The following KPNA5 variants were observed in gnomAD, a reference collection of about 807,000 sequenced individuals.
KPNA5 encodes importin subunit alpha-6.
In KPNA5, 46 loss-of-function variants were observed where a neutral mutation model predicts 71.3. That is an observed-to-expected ratio of 0.65 (90% CI 0.51 to 0.83). The LOEUF (loss-of-function observed/expected upper bound fraction) is 0.83. Among genes scored for constraint, KPNA5 ranks in the 40% least tolerant of loss-of-function variants. The probability of loss-of-function intolerance (pLI) is 0.00; values close to 1 mark genes in which losing one functional copy is unlikely to be tolerated. For missense variants in KPNA5, 547 were observed against 628.3 expected, an observed-to-expected ratio of 0.87 and a Z score of 1.38; for synonymous variants, 207 against 201.4, an observed-to-expected ratio of 1.03 and a Z score of -0.24.
Position 116,735,677 on chromosome 6 carries a change from T to C in KPNA5, c.*3354T>C, listed in dbSNP as rs1476864012. 11 of 151,756 alleles carry C rather than the reference T, an allele frequency of 7.2e-5. No homozygotes were observed. The highest frequency in any genetic ancestry group is 5.9e-5 in the Non-Finnish European group (4 of 67,762). 9.4% of individuals were successfully genotyped at this position (151,756 alleles called of 1,614,324 possible). A position where few individuals can be genotyped will look rare whatever the true frequency, so the allele number is the denominator to read the frequency against. On this transcript the variant is annotated 3_prime_UTR_variant, in exon 14 of 14. Transcript: ENST00000368564. Reference sequence around the variant, plus strand: ...GTGTCCATTTCATTTTTTCTTAAGATTGTTGTTTCCTAACAGAACAAAGAC... The same window carrying C: ...GTGTCCATTTCATTTTTTCTTAAGACTGTTGTTTCCTAACAGAACAAAGAC...
intron 7 of KPNA5, among the ~76,000 whole-genome samples, chr6:116,706,415 C>T (rs941110332): frequency 2.0e-5 from 3 of 152,202 alleles, no homozygotes; most frequent in African/African-American, 4.8e-5. Flanking sequence ...TCAGGCTGGG[C>T]GTGGTGGCTC....
At position 116,738,811 on chromosome 6, in the gene KPNA5, T is replaced by TA. The variant is rs1038493449; in HGVS notation, c.*6494dup. 2.8e-4 allele frequency: 43 copies of TA among 152,208 alleles called. No individual in the cohort carries two copies. Among genetic ancestry groups the TA allele is most frequent in the African/African-American group, 1.0e-3 (42 of 41,532 alleles). 9.4% of individuals were successfully genotyped at this position (152,208 alleles called of 1,614,324 possible). A position where few individuals can be genotyped will look rare whatever the true frequency, so the allele number is the denominator to read the frequency against. On this transcript the variant is annotated 3_prime_UTR_variant, in exon 14 of 14. Coordinates refer to ENST00000368564, the MANE Select transcript of KPNA5 (RefSeq NM_001366306.2). ...GACAAAATTCAACAACGCTTCATGC[T>TA]AAAAAACTCTCAATAAATTAGGTAT...
At position 116,725,812 on chromosome 6, in the gene KPNA5, C is replaced by A. The variant is rs1779267479; in HGVS notation, c.1061C>A (p.Ser354Ter). The change falls in exon 11 of 14, where the codon TCA becomes TAA. Residue 354 changes from serine to a stop codon, truncating the protein, a stop_gained. Transcript: ENST00000368564. LOFTEE classifies it high-confidence loss of function. ...CATTTATTGAGTAGCCCAAAGGAGTCAATTAGAAAAGAAGCCTGCTGGACT... is the reference window on the plus strand; with the variant it reads ...CATTTATTGAGTAGCCCAAAGGAGTAAATTAGAAAAGAAGCCTGCTGGACT... ...LLHLLSSPKE[S>*]IRKEACWTVS... 6.2e-7 allele frequency: 1 copy of A among 1,613,128 alleles called. No homozygotes were observed. Among genetic ancestry groups the A allele is most frequent in the Non-Finnish European group, 8.5e-7 (1 of 1,179,570 alleles).
chr6:116,700,465 T>TAAAC (rs57527332), intron 5 of KPNA5, among the ~76,000 whole-genome samples: 8 of 151,688 alleles, frequency 5.3e-5, no homozygotes, highest in Non-Finnish European at 7.4e-5. Flanking sequence ...TCTAAATAAA[T>TAAAC]AAACAAACAA....
chr6:116,691,912 T>C (rs151213803), intron 2 of KPNA5, 143 bp from the exon 3 acceptor site: 12 of 670,984 alleles, frequency 1.8e-5, no homozygotes, highest in Middle Eastern at 4.0e-4. Context: ...AGTATAATGA[T>C]TGGGAAATAC....
chr6:116,690,656 AAAAG>A (rs1391696650), intron 2 of KPNA5, among the ~76,000 whole-genome samples: 3 of 152,028 alleles, frequency 2.0e-5, no homozygotes, highest in Non-Finnish European at 4.4e-5. Flanking sequence ...AAAAAAAAAA[AAAAG>A]AAGAACGATA....
chr6:116,689,119 ATAT>A (rs1777696664), intron 1 of KPNA5, among the ~76,000 whole-genome samples, 198 bp from the exon 2 acceptor site: 1 of 152,194 alleles, frequency 6.6e-6, no homozygotes, highest in African/African-American at 2.4e-5. Context: ...TTTGTTTAAG[ATAT>A]TATTTCTAAA....
rs1444362441 is a variant in KPNA5, at chr6:116,735,476, C to G, written c.*3153C>G. On this transcript the variant is annotated 3_prime_UTR_variant, in exon 14 of 14. Coordinates refer to ENST00000368564, the MANE Select transcript of KPNA5 (RefSeq NM_001366306.2). ...TTATGAAATGTGACATTTTAGGAGC[C>G]AATATAATAGAGCTCTAAAAGGATA... 6.6e-6 allele frequency: 1 copy of G among 151,326 alleles called. No homozygotes were observed. Among genetic ancestry groups the G allele is most frequent in the Non-Finnish European group, 1.5e-5 (1 of 67,622 alleles). The allele number at this position is 151,326 out of a possible 1,614,324, so 9.4% of individuals were successfully genotyped here.
At chr6:116,694,468 G>A (rs1241882413) in intron 4 of KPNA5, among the ~76,000 whole-genome samples, 1 of 152,014 alleles carries the variant, frequency 6.6e-6, no homozygotes, top group Non-Finnish European at 1.5e-5. Context: ...TTGTAAGTTG[G>A]ATTCCTAGGT....
chr6:116,736,446 C>T lies in KPNA5; in HGVS notation c.*4123C>T, dbSNP rs975536295. 6.6e-6 allele frequency: 1 copy of T among 151,952 alleles called. No individual in the cohort carries two copies. The highest frequency in any genetic ancestry group is 6.6e-5 in the Admixed American group (1 of 15,202). The allele number at this position is 151,952 out of a possible 1,614,324, so 9.4% of individuals were successfully genotyped here. A position where few individuals can be genotyped will look rare whatever the true frequency, so the allele number is the denominator to read the frequency against. On this transcript the variant is annotated 3_prime_UTR_variant, in exon 14 of 14. Transcript: ENST00000368564. ...TCTAATAAATTCAGAGATGTGCTGC[C>T]ATCACCATAAGCAAAAGTTCACTTT...
Position 116,736,329 on chromosome 6 carries a change from CAG to C in KPNA5, c.*4008_*4009del, listed in dbSNP as rs1319966805. 2.0e-5 allele frequency: 3 copies of C among 151,816 alleles called. No homozygotes were observed. The highest frequency in any genetic ancestry group is 4.4e-5 in the Non-Finnish European group (3 of 67,856). 9.4% of individuals were successfully genotyped at this position (151,816 alleles called of 1,614,324 possible). A position where few individuals can be genotyped will look rare whatever the true frequency, so the allele number is the denominator to read the frequency against. ...TTCGGAATAGACAAATCTATAGAAA[CAG>C]AAATAAATTAGTATCTAGGACTGGG... On this transcript the variant is annotated 3_prime_UTR_variant, in exon 14 of 14. Transcript: ENST00000368564.
rs886124774 is a variant in KPNA5 at position 116,733,701 on chromosome 6, A to G, written c.*1378A>G. Reference sequence around the variant, plus strand: ...GTAGGCTATTTATGTGTCCAATTGTATACCTAGAATACTTACTTAAAACTT... The same window carrying G: ...GTAGGCTATTTATGTGTCCAATTGTGTACCTAGAATACTTACTTAAAACTT... On this transcript the variant is annotated 3_prime_UTR_variant, in exon 14 of 14. Coordinates refer to ENST00000368564, the MANE Select transcript of KPNA5 (RefSeq NM_001366306.2). The G allele has an allele frequency of 4.6e-5, 7 of 151,640 alleles. No individual in the cohort carries two copies. The highest frequency in any genetic ancestry group is 1.7e-4 in the African/African-American group (7 of 41,406). The allele number at this position is 151,640 out of a possible 1,614,324, so 9.4% of individuals were successfully genotyped here. A position where few individuals can be genotyped will look rare whatever the true frequency, so the allele number is the denominator to read the frequency against.
intron 13 of KPNA5, among the ~76,000 whole-genome samples, chr6:116,731,540 G>C (rs1779482008): frequency 6.6e-6 from 1 of 152,006 alleles, no homozygotes; most frequent in African/African-American, 2.4e-5. Flanking sequence ...TTTCTGATAA[G>C]CAGTAAAATC....
At chr6:116,732,076 A>T (rs6938481) in intron 13 of KPNA5, 60 bp from the exon 14 acceptor site, 11,445 of 27,426 alleles carry the variant, frequency 0.42, 2,698 homozygotes, top group South Asian at 0.59. Context: ...CAGTTTGTTT[A>T]TATATATATA....
chr6:116,706,266 AAGT>A (rs1778432564), intron 7 of KPNA5, among the ~76,000 whole-genome samples: 1 of 152,252 alleles, frequency 6.6e-6, no homozygotes, highest in Admixed American at 6.5e-5. Flanking sequence ...GTGGTTTATG[AAGT>A]AGTAAACATT....
At chr6:116,711,276 A>G (rs1778671636) in intron 7 of KPNA5, among the ~76,000 whole-genome samples, 1 of 150,222 alleles carries the variant, frequency 6.7e-6, no homozygotes, top group South Asian at 2.1e-4. Flanking sequence ...TTTTTGGGTC[A>G]AAGAACTGCC....
intron 1 of KPNA5, among the ~76,000 whole-genome samples, chr6:116,685,582 C>T (rs1359171008): frequency 6.6e-6 from 1 of 152,180 alleles, no homozygotes; most frequent in Non-Finnish European, 1.5e-5. Flanking sequence ...ATAATGTCCT[C>T]TAGCTCCATT....
intron 7 of KPNA5, among the ~76,000 whole-genome samples, chr6:116,711,158 T>C (rs1340819564): frequency 1.3e-5 from 2 of 151,444 alleles, no homozygotes; most frequent in Non-Finnish European, 2.9e-5. Flanking sequence ...CCTCCTGAAG[T>C]GCTGGGATTA....
intron 4 of KPNA5, among the ~76,000 whole-genome samples, chr6:116,695,842 C>T (rs113594897): frequency 2.6e-5 from 4 of 152,006 alleles, no homozygotes; most frequent in African/African-American, 9.7e-5. Context: ...TTTTGACATA[C>T]ATGTCATACT....
Sources: gnomAD v4.1 joint callset for allele counts (sites outside exome capture counted in the v4.1 genomes callset) on GRCh38, gnomAD v4.1.1 for gene constraint, MANE v1.5 for transcripts, NCBI Gene and HGNC (gene_info 2026-07-23, HGNC 2026-07-21) for gene names.